The following FKBP1C variants were observed in gnomAD, a reference collection of about 807,000 sequenced individuals.
FKBP1C encodes FKBP prolyl isomerase family member 1C.
FKBP1C carries 7 observed loss-of-function variants against 7.1 expected under a neutral mutation model. The observed-to-expected ratio is 0.99, with a 90% CI of 0.56 to 1.86. FKBP1C has a LOEUF of 1.86. Among genes scored for constraint, FKBP1C ranks in the 40% most tolerant of loss-of-function variants. FKBP1C has a pLI of 0.00. For synonymous variants in FKBP1C, 56 were observed against 51.2 expected, an observed-to-expected ratio of 1.09 and a Z score of -0.40; for missense variants, 159 against 139.9, an observed-to-expected ratio of 1.14 and a Z score of -0.69.
chr6:63,212,106 A>G, exon 1 of FKBP1C: 1 of 619,194 alleles, frequency 1.6e-6, no homozygotes, highest in Non-Finnish European at 2.9e-6. Context: ...TACCTAAACT[A>G]TATGCCATAA....
At chr6:63,212,312 A>G (rs532499813) in exon 1 of FKBP1C, 2 of 224,462 alleles carry the variant, frequency 8.9e-6, no homozygotes, top group East Asian at 1.2e-4. Flanking sequence ...TTTATCTATT[A>G]TATATTAAAC....
exon 1 of FKBP1C, chr6:63,212,583 C>T (rs1766122361): frequency 8.5e-6 from 1 of 117,096 alleles, no homozygotes; most frequent in South Asian, 4.0e-4. Flanking sequence ...CTGAAGCCTT[C>T]TTTGTGGCCT....
exon 1 of FKBP1C, chr6:63,212,093 G>GT (rs1561984082): frequency 3.1e-6 from 2 of 637,162 alleles, no homozygotes; most frequent in African/African-American, 3.7e-5. Context: ...TGGTATGTGC[G>GT]TTTACCTAAA....
At chr6:63,212,608 T>G (rs940933518) in exon 1 of FKBP1C, 46 of 166,414 alleles carry the variant, frequency 2.8e-4, no homozygotes, top group Non-Finnish European at 4.7e-4. Context: ...TTTTTTTTTT[T>G]TTTTTTCATC....
At chr6:63,212,105 T>C (rs1766113788) in exon 1 of FKBP1C, 2 of 619,952 alleles carry the variant, frequency 3.2e-6, no homozygotes, top group Non-Finnish European at 5.8e-6. Flanking sequence ...TTACCTAAAC[T>C]ATATGCCATA....
chr6:63,211,520 C>T (rs549556802), exon 1 of FKBP1C: 13 of 851,970 alleles, frequency 1.5e-5, no homozygotes, highest in South Asian at 4.4e-5. Context: ...CCACGCCGCC[C>T]GTCGCGCTGC....
chr6:63,212,895 T>A (rs1296003445), exon 1 of FKBP1C: 1 of 166,928 alleles, frequency 6.0e-6, no homozygotes, highest in Non-Finnish European at 1.5e-5. Context: ...CTCAGCCACT[T>A]CTCACCCCTT....
At chr6:63,211,640 C>A (rs561159358) in exon 1 of FKBP1C, 4 of 1,613,554 alleles carry the variant, frequency 2.5e-6, no homozygotes, top group Middle Eastern at 1.6e-4. Context: ...TGCACTACAC[C>A]GGGATGCTTG....
At chr6:63,212,888 A>G (rs1053491256) in exon 1 of FKBP1C, 4 of 166,766 alleles carry the variant, frequency 2.4e-5, no homozygotes, top group African/African-American at 9.7e-5. Flanking sequence ...TTCCTCCCTC[A>G]GCCACTTCTC....
Position 63,211,586 on chromosome 6 carries a change from A to G in FKBP1C, c.30A>G (p.Pro10=), listed in dbSNP as rs556789603. 166 of 1,522,044 alleles carry G rather than the reference A, an allele frequency of 1.1e-4. No homozygotes were observed. The African/African-American group carries it at 2.0e-3, about 18-fold the overall frequency. The allele number at this position is 1,522,044 out of a possible 1,614,324, so 94.3% of individuals were successfully genotyped here. Residue 10 remains proline (P), a synonymous_variant, in exon 1 of 1, where the codon CCA becomes CCG. Coordinates refer to ENST00000370659, the Ensembl canonical transcript of FKBP1C. The stretch of plus-strand genomic sequence containing the variant: ...GAGTGCACGTGGAAACCATCTCCCC[A>G]GGAGACTGGCGCACCTTCCCGAAGC...
At chr6:63,211,500 C>T (rs1243320971) in exon 1 of FKBP1C, 6 of 679,664 alleles carry the variant, frequency 8.8e-6, no homozygotes, top group Admixed American at 2.5e-5. Context: ...GCCGCCAGGT[C>T]GCTGTCGGTC....
At chr6:63,211,526 G>T in exon 1 of FKBP1C, 1 of 930,732 alleles carries the variant, frequency 1.1e-6, no homozygotes, top group South Asian at 1.4e-5. Context: ...CGCCCGTCGC[G>T]CTGCCCGCCC....
chr6:63,211,641 G>A (rs751681771), exon 1 of FKBP1C: 31 of 1,613,620 alleles, frequency 1.9e-5, no homozygotes, highest in African/African-American at 9.3e-5. Flanking sequence ...GCACTACACC[G>A]GGATGCTTGA....
At chr6:63,212,183 G>A (rs1766114688) in exon 1 of FKBP1C, 2 of 552,800 alleles carry the variant, frequency 3.6e-6, no homozygotes, top group African/African-American at 1.9e-5. Flanking sequence ...TTTGAATATA[G>A]GTTTCCAATT....
At chr6:63,212,023 GA>G (rs1766112604) in exon 1 of FKBP1C, 1 of 950,422 alleles carries the variant, frequency 1.1e-6, no homozygotes, top group Non-Finnish European at 1.6e-6. Flanking sequence ...TGCCCCAACT[GA>G]ATGTGTTCTG....
chr6:63,211,828 TCATCCCAC>T, the FKBP1C span: 1 of 1,613,534 alleles, frequency 6.2e-7, no homozygotes, highest in Non-Finnish European at 8.5e-7. Flanking sequence ...CACCCAGGCA[TCATCCCAC>T]CACATGCCAC....
exon 1 of FKBP1C, chr6:63,211,537 G>A (rs76273486): frequency 0.15 from 158,479 of 1,064,354 alleles, 13,031 homozygotes; most frequent in South Asian, 0.23. Flanking sequence ...CTGCCCGCCC[G>A]CTCGGCGTCG....
exon 1 of FKBP1C, chr6:63,211,579 T>C: frequency 6.7e-7 from 1 of 1,487,846 alleles, no homozygotes; most frequent in Non-Finnish European, 9.4e-7. Context: ...GTGGAAACCA[T>C]CTCCCCAGGA....
At chr6:63,211,629 A>C (rs765253821) in exon 1 of FKBP1C, 28 of 1,610,646 alleles carry the variant, frequency 1.7e-5, no homozygotes, top group Non-Finnish European at 2.3e-5. Flanking sequence ...GACCTGCGTG[A>C]TGCACTACAC....
Sources: allele counts gnomAD v4.1 joint callset, GRCh38; gene constraint gnomAD v4.1.1; transcripts MANE v1.5; gene names NCBI Gene and HGNC (gene_info 2026-07-23, HGNC 2026-07-21).